Variants in LRRC37A2 observed in about 807,000 individuals in gnomAD.
The protein encoded by LRRC37A2 is leucine-rich repeat-containing protein 37A2.
Under a neutral mutation model 68.8 loss-of-function variants are expected in LRRC37A2, and 9 were observed. That is an observed-to-expected ratio of 0.13 (90% CI 0.08 to 0.23). The LOEUF is 0.23. Ranked by LOEUF, LRRC37A2 falls within the 10% of genes least tolerant of loss-of-function variation. The pLI is 1.00. For synonymous variants in LRRC37A2, 63 were observed against 367.6 expected (o/e 0.17, Z 9.48); for missense variants, 168 against 950.4 (o/e 0.18, Z 10.82).
chr17:46,804,715 G>A, the LRRC37A2 span, among the ~76,000 whole-genome samples: 12 of 152,206 alleles, frequency 7.9e-5, no homozygotes, highest in Non-Finnish European at 1.5e-4. Flanking sequence ...CGGACTTCCT[G>A]GGTCAACTGG....
At chr17:46,530,066 GA>G (rs1287314943) in intron 6 of LRRC37A2, among the ~76,000 whole-genome samples, 3 of 147,950 alleles carry the variant, frequency 2.0e-5, no homozygotes, top group South Asian at 2.1e-4. Context: ...TTGGTGTTTA[GA>G]AAAAAATAGA....
the LRRC37A2 span, chr17:46,818,758 G>T: frequency 1.3e-6 from 1 of 744,666 alleles, no homozygotes; most frequent in Non-Finnish European, 2.3e-6. Flanking sequence ...CCAGCGCGGA[G>T]CAGCCGGGTT....
At chr17:46,952,156 T>C in the LRRC37A2 span, among the ~76,000 whole-genome samples, 1 of 152,224 alleles carries the variant, frequency 6.6e-6, no homozygotes, top group Non-Finnish European at 1.5e-5. Context: ...ACCCAGCATC[T>C]CGTCTTTGGA....
the LRRC37A2 span, among the ~76,000 whole-genome samples, chr17:46,961,372 T>C: frequency 6.6e-6 from 1 of 152,038 alleles, no homozygotes; most frequent in East Asian, 1.9e-4. Context: ...ACCCCATCTC[T>C]ACAAAAAACA....
the LRRC37A2 span, among the ~76,000 whole-genome samples, chr17:46,871,454 G>A: frequency 6.6e-5 from 10 of 152,162 alleles, no homozygotes; most frequent in African/African-American, 1.9e-4. Context: ...CTGCCCCCTC[G>A]TAAATCCTTT....
the LRRC37A2 span, among the ~76,000 whole-genome samples, chr17:46,854,779 G>C: frequency 6.6e-6 from 1 of 152,070 alleles, no homozygotes; most frequent in Admixed American, 6.6e-5. Context: ...TCCTGCCTCA[G>C]CTTTCCGAGA....
the LRRC37A2 span, among the ~76,000 whole-genome samples, chr17:46,747,518 G>T: frequency 1.3e-5 from 2 of 152,088 alleles, no homozygotes; most frequent in East Asian, 3.9e-4. Context: ...GGGCTCAAGT[G>T]ATCTGTCCAT....
chr17:46,492,941 G>A, the LRRC37A2 span, among the ~76,000 whole-genome samples: 10 of 149,236 alleles, frequency 6.7e-5, no homozygotes, highest in African/African-American at 2.0e-4. Context: ...TGATCCGCCC[G>A]CCTCGGCCTC....
At chr17:46,729,519 T>G in the LRRC37A2 span, among the ~76,000 whole-genome samples, 1 of 139,226 alleles carries the variant, frequency 7.2e-6, no homozygotes, top group African/African-American at 2.7e-5. Context: ...GTTAACAAAT[T>G]TAAAACCAAC....
the LRRC37A2 span, among the ~76,000 whole-genome samples, chr17:46,798,980 G>A: frequency 7.9e-5 from 12 of 151,080 alleles, no homozygotes; most frequent in South Asian, 6.3e-4. Context: ...CCTGTGAGGC[G>A]GAGGTTACAG....
chr17:46,820,917 G>C, the LRRC37A2 span, among the ~76,000 whole-genome samples: 5 of 152,124 alleles, frequency 3.3e-5, no homozygotes, highest in African/African-American at 1.2e-4. Context: ...AGTATGGTGG[G>C]GCGACAGGGC....
At chr17:46,980,371 CTTCT>C in the LRRC37A2 span, among the ~76,000 whole-genome samples, 1 of 146,486 alleles carries the variant, frequency 6.8e-6, no homozygotes, top group Middle Eastern at 3.2e-3. Context: ...TCTTTCTCTT[CTTCT>C]TTCTCTTCTT....
At chr17:46,873,166 G>A in the LRRC37A2 span, among the ~76,000 whole-genome samples, 8 of 151,652 alleles carry the variant, frequency 5.3e-5, no homozygotes, top group Non-Finnish European at 1.0e-4. Context: ...GAGGATGGGC[G>A]GCAGCTGATT....
chr17:46,899,687 T>C, the LRRC37A2 span, among the ~76,000 whole-genome samples: 1 of 152,182 alleles, frequency 6.6e-6, no homozygotes, highest in African/African-American at 2.4e-5. Context: ...CTGGAATTAC[T>C]GGTGATGGTT....
the LRRC37A2 span, among the ~76,000 whole-genome samples, chr17:46,999,889 C>T: frequency 2.7e-5 from 4 of 150,436 alleles, no homozygotes; most frequent in African/African-American, 9.7e-5. Flanking sequence ...ATCCCAGCTA[C>T]TCAGGAGGCT....
the LRRC37A2 span, chr17:46,851,476 CG>C: frequency 6.1e-6 from 2 of 328,450 alleles, no homozygotes; most frequent in African/African-American, 2.3e-5. The surrounding 1 kb of genome is among the most constrained non-coding windows in gnomAD (Gnocchi z 4.3). Context: ...GCCAATGGGG[CG>C]GGGGGCTCGC....
the LRRC37A2 span, among the ~76,000 whole-genome samples, chr17:46,970,653 C>A: frequency 8.0e-4 from 122 of 152,124 alleles, no homozygotes; most frequent in African/African-American, 2.9e-3. Flanking sequence ...GTCTGCGAGG[C>A]AGGGGTGTGC....
At chr17:46,939,812 A>C in the LRRC37A2 span, 2 of 988,148 alleles carry the variant, frequency 2.0e-6, no homozygotes, top group Non-Finnish European at 2.4e-6. Flanking sequence ...AGGCTGTACT[A>C]ATACCAGGTA....
the LRRC37A2 span, chr17:47,017,800 C>G: frequency 1.9e-6 from 3 of 1,610,136 alleles, no homozygotes; most frequent in African/African-American, 4.0e-5. Context: ...CGGGTGAAGT[C>G]AGATGAGCCT....
Sources: gnomAD v4.1 joint callset for allele counts (sites outside exome capture counted in the v4.1 genomes callset) on GRCh38, gnomAD v4.1.1 for gene constraint, Gnocchi (gnomAD v3.1) non-coding constraint, MANE v1.5 for transcripts, NCBI Gene and HGNC (gene_info 2026-07-23, HGNC 2026-07-21) for gene names.